USP26: variants seen among roughly 807,000 people sequenced by gnomAD.
The protein encoded by USP26 is ubiquitin carboxyl-terminal hydrolase 26.
For missense variants in USP26, 649 were observed against 642.3 expected, an observed-to-expected ratio of 1.01 and a Z score of -0.11; for synonymous variants, 236 against 240.6, an observed-to-expected ratio of 0.98 and a Z score of 0.18.
chrX:133,027,371 G>C lies in USP26; in HGVS notation c.850C>G (p.Leu284Val). The change falls in exon 6 of 6, where the codon CTA (leucine) becomes GTA (valine). Residue 284 changes from leucine to valine, a missense_variant. Physicochemically the swap from Leu to Val is conservative, Grantham distance 32. Transcript: ENST00000511190. ...DGYTKWDKLKLFFELFPEKIC... is the reference protein window; with the variant it reads ...DGYTKWDKLKVFFELFPEKIC... ...TTCTCTGGAAATAATTCAAAAAATA[G>C]TTTTAATTTATCCCACTTTGTGTAA... 8.3e-7 allele frequency: 1 copy of C among 1,211,045 alleles called. No individual in the cohort carries two copies.
At position 133,027,131 on chromosome X, in the gene USP26, G is replaced by T. The variant is rs35397110; in HGVS notation, c.1090C>A (p.Leu364Ile). ...IEIKEMLLLN[L>I]KKAISAAAEI... ...GCAGCTGCTGAAATGGCCTTTTTAA[G>T]ATTCAAGAGTAACATCTCCTTGATT... The change falls in exon 6 of 6, where the codon CTT becomes ATT. Residue 364 changes from leucine to isoleucine, a missense_variant. Physicochemically the swap from Leu to Ile is conservative, Grantham distance 5. Transcript: ENST00000511190. 3 of 1,208,757 alleles carry T rather than the reference G, an allele frequency of 2.5e-6. No individual in the cohort carries two copies. Among genetic ancestry groups the T allele is most frequent in the Non-Finnish European group, 3.4e-6 (3 of 894,606 alleles).
chrX:133,080,080 C>T (rs1479327536), intron 5 of USP26, among the ~76,000 whole-genome samples: 6 of 111,192 alleles, frequency 5.4e-5, no homozygotes, highest in Admixed American at 9.6e-5. Context: ...CAGACAAAAA[C>T]GAGGCTTGGT....
At chrX:133,042,425 C>A (rs1320846262) in intron 5 of USP26, among the ~76,000 whole-genome samples, 1 of 111,458 alleles carries the variant, frequency 9.0e-6, no homozygotes, top group South Asian at 3.9e-4. Context: ...CAGTCCCTCC[C>A]GCCTTCCCTT....
intron 1 of USP26, among the ~76,000 whole-genome samples, chrX:133,096,521 A>C (rs2067631133): frequency 8.9e-6 from 1 of 112,011 alleles, no homozygotes; most frequent in Admixed American, 9.5e-5. Flanking sequence ...ACAACATCGC[A>C]GCAGCTAATG....
chrX:133,037,118 G>T (rs1436834680), intron 5 of USP26, among the ~76,000 whole-genome samples: 1 of 111,869 alleles, frequency 8.9e-6, no homozygotes, highest in Non-Finnish European at 1.9e-5. Flanking sequence ...CTCCCATTTG[G>T]TAGGTTGCCT....
At chrX:133,034,439 G>A (rs2067389374) in intron 5 of USP26, among the ~76,000 whole-genome samples, 1 of 111,481 alleles carries the variant, frequency 9.0e-6, no homozygotes, top group Non-Finnish European at 1.9e-5. Context: ...AAATAAGACA[G>A]GAGACTAAAC....
At chrX:133,057,860 A>T (rs1168425838) in intron 5 of USP26, among the ~76,000 whole-genome samples, 3 of 19,251 alleles carry the variant, frequency 1.6e-4, no homozygotes, top group Admixed American at 1.1e-3. Context: ...ATATATATAT[A>T]TATATATTTT....
At chrX:133,082,480 T>C (rs1226894918) in intron 5 of USP26, among the ~76,000 whole-genome samples, 2 of 112,053 alleles carry the variant, frequency 1.8e-5, no homozygotes, top group Non-Finnish European at 3.8e-5. Flanking sequence ...CACAACCACA[T>C]GTTGTAGCTT....
At chrX:133,028,348 T>A (rs1468990900) in intron 5 of USP26, 52 bp from the exon 6 acceptor site, 1 of 805,579 alleles carries the variant, frequency 1.2e-6, no homozygotes, top group Non-Finnish European at 1.8e-6. Flanking sequence ...CACAGAATGA[T>A]CCTATTTCTA....
At position 133,075,011 on chromosome X, in the gene USP26, TG is replaced by T. The variant is rs749692230; in HGVS notation, c.-77+8695del. On this transcript the variant is annotated intron_variant, in intron 5 of 5. Coordinates refer to ENST00000511190, the MANE Select transcript of USP26 (RefSeq NM_031907.3). ...AAATGACATTAGTGCTTAGGAAAGA[TG>T]TAAGTCTGGTTGCAGCAGCAGATTG... Among the ~76,000 whole-genome samples, 201 of 111,785 alleles carry T rather than the reference TG, an allele frequency of 1.8e-3. 1 individual carries two copies. Among genetic ancestry groups the T allele is most frequent in the Non-Finnish European group, 3.2e-3 (168 of 53,133 alleles).
intron 5 of USP26, 126 bp downstream of exon 5, chrX:133,083,581 C>A (rs1034384611): frequency 1.8e-5 from 2 of 111,631 alleles, no homozygotes; most frequent in African/African-American, 6.5e-5. Flanking sequence ...GACAAGGCCT[C>A]TAATTGGTTC....
chrX:133,053,925 C>A (rs767077573), intron 5 of USP26, among the ~76,000 whole-genome samples: 2 of 111,651 alleles, frequency 1.8e-5, no homozygotes, highest in Non-Finnish European at 3.8e-5. Flanking sequence ...TGGGCTAAGC[C>A]TTTTTACTCA....
At chrX:133,063,507 C>T (rs1006685695) in intron 5 of USP26, among the ~76,000 whole-genome samples, 1 of 111,610 alleles carries the variant, frequency 9.0e-6, no homozygotes, top group South Asian at 3.8e-4. Flanking sequence ...CAAAGGGAAG[C>T]CCATCACACT....
rs2148525144 is a variant in USP26 at position 133,027,325 on chromosome X, T to C, written c.896A>G (p.Asn299Ser). Residue 299 changes from asparagine (N) to serine (S), a missense_variant, in exon 6 of 6, where the codon AAT becomes AGT. Transcript: ENST00000511190. ...FPEKICHGLP[N>S]LGNTCYMNAV... ...ATTCATATAACAGGTGTTTCCCAAA[T>C]TGGGGAGGCCGTGGCATATTTTCTC... 2.5e-6 allele frequency: 3 copies of C among 1,210,185 alleles called. No individual in the cohort carries two copies. Among genetic ancestry groups the C allele is most frequent in the Non-Finnish European group, 3.4e-6 (3 of 894,116 alleles).
chrX:133,041,237 G>A (rs1316007425), intron 5 of USP26, among the ~76,000 whole-genome samples: 1 of 110,975 alleles, frequency 9.0e-6, no homozygotes, highest in Non-Finnish European at 1.9e-5. Context: ...GCCTTTGCTG[G>A]AGAGGAGTTG....
At chrX:133,028,688 T>C (rs1285426028) in intron 5 of USP26, among the ~76,000 whole-genome samples, 1 of 111,887 alleles carries the variant, frequency 8.9e-6, no homozygotes, top group African/African-American at 3.2e-5. Context: ...CAATAGAGTC[T>C]CAAGTGCATG....
intron 5 of USP26, among the ~76,000 whole-genome samples, chrX:133,082,476 C>T (rs942231594): frequency 8.9e-6 from 1 of 111,851 alleles, no homozygotes; most frequent in Non-Finnish European, 1.9e-5. Context: ...ATCACACAAC[C>T]ACATGTTGTA....
chrX:133,083,998 G>A (rs1050346743), intron 4 of USP26, among the ~76,000 whole-genome samples: 1 of 111,263 alleles, frequency 9.0e-6, no homozygotes, highest in African/African-American at 3.3e-5. Flanking sequence ...GACTCTGGGA[G>A]AAGAGCTCAA....
intron 5 of USP26, among the ~76,000 whole-genome samples, chrX:133,039,728 T>C (rs2067410813): frequency 9.0e-6 from 1 of 111,634 alleles, no homozygotes; most frequent in Non-Finnish European, 1.9e-5. Context: ...AGAGCTGAGT[T>C]CAAGTCCTAA....
Sources: gnomAD v4.1 joint callset for allele counts (sites outside exome capture counted in the v4.1 genomes callset) on GRCh38, gnomAD v4.1.1 for gene constraint, MANE v1.5 for transcripts, NCBI Gene and HGNC (gene_info 2026-07-23, HGNC 2026-07-21) for gene names.